Variants in LRRC4C observed in about 807,000 individuals in gnomAD.
LRRC4C encodes leucine-rich repeat-containing protein 4C.
A neutral mutation model predicts 33.6 loss-of-function variants in LRRC4C; 5 were observed. That is an observed-to-expected ratio of 0.15 (90% CI 0.08 to 0.31). The LOEUF is 0.31. Among genes scored for constraint, LRRC4C ranks in the 10% least tolerant of loss-of-function variants. The pLI, the probability that LRRC4C is intolerant of heterozygous loss-of-function variation, is 1.00. For synonymous variants in LRRC4C, 329 were observed against 302.0 expected, an observed-to-expected ratio of 1.09 and a Z score of -0.93; for missense variants, 560 against 796.7, an observed-to-expected ratio of 0.70 and a Z score of 3.58.
chr11:40,830,996 C>CT (rs1456380829), intron 2 of LRRC4C, among the ~76,000 whole-genome samples: 4 of 152,180 alleles, frequency 2.6e-5, no homozygotes, highest in African/African-American at 7.2e-5. Flanking sequence ...ACAAACAGTA[C>CT]TTTTTTCACT....
chr11:40,935,816 C>A (rs921393211), intron 1 of LRRC4C, among the ~76,000 whole-genome samples: 10 of 151,224 alleles, frequency 6.6e-5, no homozygotes, highest in African/African-American at 2.4e-4. Context: ...AGTTCATTCT[C>A]TTGATTTAAG....
At chr11:41,226,979 C>A (rs1947570888) in intron 1 of LRRC4C, among the ~76,000 whole-genome samples, 1 of 151,950 alleles carries the variant, frequency 6.6e-6, no homozygotes, top group Non-Finnish European at 1.5e-5. Context: ...TTTCAACCCA[C>A]AACCACAGTC....
chr11:41,292,735 CAATT>C (rs1950026914), intron 1 of LRRC4C, among the ~76,000 whole-genome samples: 1 of 152,052 alleles, frequency 6.6e-6, no homozygotes, highest in African/African-American at 2.4e-5. Context: ...TGTATCATCT[CAATT>C]AATCCTTTGG....
chr11:41,344,883 G>A (rs1951754978), intron 1 of LRRC4C, among the ~76,000 whole-genome samples: 1 of 152,184 alleles, frequency 6.6e-6, no homozygotes, highest in African/African-American at 2.4e-5. Flanking sequence ...CAAGTGGAGG[G>A]GAGGAATATT....
chr11:40,433,609 G>A (rs1411202524), intron 3 of LRRC4C, among the ~76,000 whole-genome samples: 2 of 152,152 alleles, frequency 1.3e-5, no homozygotes. Context: ...GCTCCCTGAC[G>A]AAGTTTTGCC....
At chr11:40,735,493 A>AT (rs1164842324) in intron 2 of LRRC4C, among the ~76,000 whole-genome samples, 2 of 148,258 alleles carry the variant, frequency 1.3e-5, no homozygotes, top group Non-Finnish European at 3.0e-5. Flanking sequence ...ACATGAACTC[A>AT]TTTTTTGTGG....
rs80113451 is a variant in LRRC4C at position 41,334,916 on chromosome 11, G to T, written c.-496+124515C>A. Among the ~76,000 whole-genome samples the T allele has an allele frequency of 4.1e-3, 624 of 152,044 alleles. 3 individuals carry two copies. The highest frequency in any genetic ancestry group is 0.013 in the African/African-American group (540 of 41,470). ...AACAAAAAACCACATACACACAAGAGTTTCTTTCCTGTCAGAGGATCTTAC... is the reference window on the plus strand; with the variant it reads ...AACAAAAAACCACATACACACAAGATTTTCTTTCCTGTCAGAGGATCTTAC... On this transcript the variant is annotated intron_variant, in intron 1 of 6. Coordinates refer to ENST00000528697, the MANE Select transcript of LRRC4C (RefSeq NM_001258419.2).
chr11:41,194,048 A>G (rs1282600335), intron 1 of LRRC4C, among the ~76,000 whole-genome samples: 1 of 151,912 alleles, frequency 6.6e-6, no homozygotes, highest in Non-Finnish European at 1.5e-5. Flanking sequence ...TCTTCAGCCT[A>G]CTCATCATGA....
At chr11:41,122,829 C>A (rs1038985735) in intron 1 of LRRC4C, 1 of 151,888 alleles carries the variant, frequency 6.6e-6, no homozygotes, top group African/African-American at 2.4e-5. Flanking sequence ...CTCATGAAAT[C>A]AGGATTTCAT....
At chr11:40,158,473 C>G (rs1858893072) in intron 5 of LRRC4C, among the ~76,000 whole-genome samples, 1 of 150,960 alleles carries the variant, frequency 6.6e-6, no homozygotes, top group Non-Finnish European at 1.5e-5. Context: ...TTATGGTATG[C>G]AATTGGGTCT....
intron 6 of LRRC4C, among the ~76,000 whole-genome samples, chr11:40,119,900 C>T (rs1255560867): frequency 6.6e-6 from 1 of 152,150 alleles, no homozygotes; most frequent in Non-Finnish European, 1.5e-5. Flanking sequence ...CTAATCACCC[C>T]ACGTCCACTT....
At chr11:40,208,114 A>G (rs1225606291) in intron 5 of LRRC4C, among the ~76,000 whole-genome samples, 1 of 152,228 alleles carries the variant, frequency 6.6e-6, no homozygotes, top group Non-Finnish European at 1.5e-5. Context: ...AGAAATTTTC[A>G]GAAAAAAGTA....
intron 2 of LRRC4C, among the ~76,000 whole-genome samples, chr11:40,796,635 CTTTTT>C (rs1188389556): frequency 9.5e-6 from 1 of 104,902 alleles, no homozygotes; most frequent in Admixed American, 1.1e-4. Flanking sequence ...AAGCAGAACT[CTTTTT>C]TTTTTTTTTT....
intron 3 of LRRC4C, among the ~76,000 whole-genome samples, chr11:40,399,755 G>A (rs1037958351): frequency 6.6e-6 from 1 of 152,010 alleles, no homozygotes; most frequent in African/African-American, 2.4e-5. Flanking sequence ...ATCATGTGCT[G>A]ATGGCTTCTC....
At chr11:40,988,713 C>CTTTTTTTTTTTTT (rs869034558) in intron 1 of LRRC4C, among the ~76,000 whole-genome samples, 1 of 57,752 alleles carries the variant, frequency 1.7e-5, no homozygotes, top group Admixed American at 2.1e-4. Context: ...CTTTTCTTTT[C>CTTTTTTTTTTTTT]TTTTTTTTTT....
chr11:40,134,480 C>CTAAGATTCA (rs1294110123), intron 6 of LRRC4C, among the ~76,000 whole-genome samples: 1 of 152,052 alleles, frequency 6.6e-6, no homozygotes, highest in East Asian at 1.9e-4. Context: ...ATAAGCAAAA[C>CTAAGATTCA]TCTAAGATGA....
chr11:41,391,604 C>T (rs1176491223), intron 1 of LRRC4C, among the ~76,000 whole-genome samples: 1 of 151,818 alleles, frequency 6.6e-6, no homozygotes, highest in Non-Finnish European at 1.5e-5. Context: ...ACATCATTTC[C>T]AATGCTATAA....
chr11:40,818,279 A>G (rs1951785605), intron 2 of LRRC4C, among the ~76,000 whole-genome samples: 1 of 152,098 alleles, frequency 6.6e-6, no homozygotes, highest in African/African-American at 2.4e-5. Flanking sequence ...GTAATTGTCT[A>G]CTTAGTGTTT....
intron 3 of LRRC4C, among the ~76,000 whole-genome samples, chr11:40,408,391 A>C (rs1950036345): frequency 6.6e-6 from 1 of 151,986 alleles, no homozygotes; most frequent in Non-Finnish European, 1.5e-5. Context: ...CACCTAACAC[A>C]TTTAGAAGCA....
Sources: gnomAD v4.1 joint callset for allele counts (sites outside exome capture counted in the v4.1 genomes callset) on GRCh38, gnomAD v4.1.1 for gene constraint, MANE v1.5 for transcripts, NCBI Gene and HGNC (gene_info 2026-07-23, HGNC 2026-07-21) for gene names.